GRIN2A: variants seen among roughly 807,000 people sequenced by gnomAD.
GRIN2A encodes glutamate ionotropic receptor NMDA type subunit 2A.
Under a neutral mutation model 113.4 loss-of-function variants are expected in GRIN2A, and 22 were observed. The observed-to-expected ratio is 0.19, with a 90% CI of 0.14 to 0.28. The LOEUF is 0.28. GRIN2A is among the 10% of genes least tolerant of loss of function. GRIN2A has a pLI of 1.00. For synonymous variants in GRIN2A, 827 were observed against 738.4 expected (o/e 1.12, Z -1.94); for missense variants, 1,502 against 1,887.0 (o/e 0.80, Z 3.78).
chr16:9,903,113 C>T (rs1459006321), intron 3 of GRIN2A, among the ~76,000 whole-genome samples: 1 of 151,780 alleles, frequency 6.6e-6, no homozygotes, highest in Non-Finnish European at 1.5e-5. Flanking sequence ...GGACTACAAT[C>T]GCGTGCCACC....
At chr16:9,914,669 G>A (rs1395172421) in intron 3 of GRIN2A, among the ~76,000 whole-genome samples, 2 of 152,124 alleles carry the variant, frequency 1.3e-5, no homozygotes, top group African/African-American at 2.4e-5. Context: ...AACGTAAGGG[G>A]CTCCCAGACC....
In GRIN2A at chr16:9,957,422, C is replaced by G. The variant is rs116426055; in HGVS notation, c.415-18871G>C. Reference sequence around the variant, plus strand: ...AAGCTCTTTCACTTCTGCGAGCACTCTTCAGTATTTGGGTCCTGATACTGT... The same window carrying G: ...AAGCTCTTTCACTTCTGCGAGCACTGTTCAGTATTTGGGTCCTGATACTGT... On this transcript the variant is annotated intron_variant, in intron 2 of 12. Coordinates refer to ENST00000330684, the MANE Select transcript of GRIN2A (RefSeq NM_001134407.3). 2.9e-3 allele frequency among the ~76,000 whole-genome samples: 438 copies of G among 152,342 alleles called. 2 individuals are homozygous for G. Among genetic ancestry groups the G allele is most frequent in the African/African-American group, 9.9e-3 (412 of 41,568 alleles).
At chr16:10,096,875 C>T (rs2048304260) in intron 2 of GRIN2A, among the ~76,000 whole-genome samples, 1 of 152,180 alleles carries the variant, frequency 6.6e-6, no homozygotes, top group Non-Finnish European at 1.5e-5. Flanking sequence ...ATTCTCTGAG[C>T]CTGCCCAGGA....
At chr16:9,781,347 A>G (rs1157410303) in intron 11 of GRIN2A, among the ~76,000 whole-genome samples, 1 of 152,128 alleles carries the variant, frequency 6.6e-6, no homozygotes, top group African/African-American at 2.4e-5. Context: ...TATTACTATT[A>G]CTTTAGATGG....
At chr16:9,827,895 A>G (rs1226506484) in intron 9 of GRIN2A, among the ~76,000 whole-genome samples, 2 of 152,236 alleles carry the variant, frequency 1.3e-5, no homozygotes, top group African/African-American at 4.8e-5. Context: ...TTTTAGTCTC[A>G]TCAGCTTTAT....
chr16:10,148,544 C>A (rs1596554070), intron 2 of GRIN2A, among the ~76,000 whole-genome samples: 2 of 152,326 alleles, frequency 1.3e-5, no homozygotes, highest in Middle Eastern at 3.4e-3. Context: ...ATATCTGCTT[C>A]CACTTGAATG....
At chr16:9,976,915 C>T (rs190630705) in intron 2 of GRIN2A, among the ~76,000 whole-genome samples, 1 of 152,166 alleles carries the variant, frequency 6.6e-6, no homozygotes, top group African/African-American at 2.4e-5. Context: ...GAGTGGAATA[C>T]AAAATAGTTT....
intron 2 of GRIN2A, among the ~76,000 whole-genome samples, chr16:10,157,147 T>C (rs1236954538): frequency 1.3e-5 from 2 of 152,070 alleles, no homozygotes; most frequent in Non-Finnish European, 2.9e-5. Flanking sequence ...AAGACTGGAA[T>C]CAAAGCTCAG....
chr16:10,157,710 G>A (rs757426173), intron 2 of GRIN2A, among the ~76,000 whole-genome samples: 2 of 152,148 alleles, frequency 1.3e-5, no homozygotes, highest in Non-Finnish European at 2.9e-5. Flanking sequence ...CAGCCCCCAC[G>A]ATCAATCACT....
rs779348983 is a variant in GRIN2A at position 9,763,128 on chromosome 16, T to C, written c.*21A>G. 1.2e-6 allele frequency: 2 copies of C among 1,610,714 alleles called. No individual in the cohort carries two copies. Among genetic ancestry groups the C allele is most frequent in the South Asian group, 1.1e-5 (1 of 91,024 alleles). ...GCCATTACGTATATTTCCCTATAGA[T>C]AAAACATTAATGGAAGATTTTTAAA... On this transcript the variant is annotated 3_prime_UTR_variant, in exon 13 of 13. Transcript: ENST00000330684.
At chr16:9,965,819 A>C (rs569584050) in intron 2 of GRIN2A, among the ~76,000 whole-genome samples, 64 of 152,328 alleles carry the variant, frequency 4.2e-4, no homozygotes, top group African/African-American at 1.5e-3. Context: ...TATAGCCCCA[A>C]AACACAGCCA....
chr16:10,075,444 G>A (rs939990228), intron 2 of GRIN2A, among the ~76,000 whole-genome samples: 1 of 152,066 alleles, frequency 6.6e-6, no homozygotes, highest in East Asian at 1.9e-4. Flanking sequence ...CCAAGCAGCG[G>A]GGCGGAATGG....
chr16:9,836,965 G>A (rs1027652898), intron 7 of GRIN2A, among the ~76,000 whole-genome samples: 2 of 152,144 alleles, frequency 1.3e-5, no homozygotes, highest in Non-Finnish European at 2.9e-5. Context: ...TGCCATCTCT[G>A]TCCTTGAAGA....
At position 10,180,632 on chromosome 16, in the gene GRIN2A, G is replaced by C. The variant is rs896194352; in HGVS notation, c.-18-203C>G. 1.9e-5 allele frequency: 16 copies of C among 856,146 alleles called. No individual in the cohort carries two copies. Among genetic ancestry groups the C allele is most frequent in the Non-Finnish European group, 2.8e-5 (16 of 570,192 alleles). The allele number at this position is 856,146 out of a possible 1,614,324, so 53.0% of individuals were successfully genotyped here. On this transcript the variant is annotated intron_variant, in intron 1 of 12. Transcript: ENST00000330684. This position sits in a 1 kb window ranked among gnomAD's most constrained non-coding sequence, Gnocchi z 7.0. Reference sequence around the variant, plus strand: ...CTAACTCTATCCACAACTCCAATTCGAGCTAATTCTCCATCCCCCAGCCCC... The same window carrying C: ...CTAACTCTATCCACAACTCCAATTCCAGCTAATTCTCCATCCCCCAGCCCC...
intron 2 of GRIN2A, among the ~76,000 whole-genome samples, chr16:10,104,990 AAGC>A (rs2048469198): frequency 1.3e-5 from 2 of 152,236 alleles, no homozygotes; most frequent in Non-Finnish European, 2.9e-5. Flanking sequence ...AAAATAAAAG[AAGC>A]CTGAAGCAAA....
intron 2 of GRIN2A, among the ~76,000 whole-genome samples, chr16:10,075,598 A>G (rs1362595804): frequency 6.6e-6 from 1 of 152,190 alleles, no homozygotes; most frequent in Non-Finnish European, 1.5e-5. Flanking sequence ...ATTTTAGGTT[A>G]TATATATTCT....
In GRIN2A at chr16:9,768,893, G is replaced by A. The variant is rs1299544068; in HGVS notation, c.2553C>T (p.Gly851=). 2 of 1,614,076 alleles carry A rather than the reference G, an allele frequency of 1.2e-6. No individual in the cohort carries two copies. Among genetic ancestry groups the A allele is most frequent in the Admixed American group, 1.7e-5 (1 of 60,012 alleles). The change falls in exon 12 of 13, where the codon GGC becomes GGT. Residue 851 remains glycine, a synonymous_variant. Coordinates refer to ENST00000330684, the MANE Select transcript of GRIN2A (RefSeq NM_001134407.3). ...FYWKLRFCFT[G]VCSDRPGLLF... Reference sequence around the variant, plus strand: ...GCAACCCAGGCCGGTCGGAGCACACGCCCGTGAAACAGAAGCGCAGCTTCC... The same window carrying A: ...GCAACCCAGGCCGGTCGGAGCACACACCCGTGAAACAGAAGCGCAGCTTCC...
At chr16:9,984,771 C>T (rs1279342946) in intron 2 of GRIN2A, among the ~76,000 whole-genome samples, 1 of 152,274 alleles carries the variant, frequency 6.6e-6, no homozygotes, top group Non-Finnish European at 1.5e-5. Flanking sequence ...TATCTACATG[C>T]TCATTTTAGA....
chr16:9,855,265 A>G (rs899844849), intron 4 of GRIN2A, among the ~76,000 whole-genome samples: 1 of 152,162 alleles, frequency 6.6e-6, no homozygotes, highest in African/African-American at 2.4e-5. Flanking sequence ...TCACTCAATC[A>G]CCAAATAAAA....
Sources: gnomAD v4.1 joint callset for allele counts (sites outside exome capture counted in the v4.1 genomes callset) on GRCh38, gnomAD v4.1.1 for gene constraint, Gnocchi (gnomAD v3.1) non-coding constraint, MANE v1.5 for transcripts, NCBI Gene and HGNC (gene_info 2026-07-23, HGNC 2026-07-21) for gene names.